PUM1: variants seen among roughly 807,000 people sequenced by gnomAD.
PUM1 encodes the protein pumilio RNA binding family member 1.
Under a neutral mutation model 131.8 loss-of-function variants are expected in PUM1, and 13 were observed. The observed-to-expected ratio is 0.10, with a 90% CI of 0.06 to 0.16. The LOEUF is 0.16. Among genes scored for constraint, PUM1 ranks in the 10% least tolerant of loss-of-function variants. PUM1 has a pLI of 1.00. For missense variants in PUM1, 961 were observed against 1,512.4 expected, an observed-to-expected ratio of 0.64 and a Z score of 6.05; for synonymous variants, 509 against 556.5, an observed-to-expected ratio of 0.91 and a Z score of 1.20.
At chr1:31,021,363 G>T (rs1643020405) in intron 3 of PUM1, among the ~76,000 whole-genome samples, 1 of 152,162 alleles carries the variant, frequency 6.6e-6, no homozygotes, top group Non-Finnish European at 1.5e-5. Flanking sequence ...TTACTAAATT[G>T]AACTGAGCTC....
At position 30,987,786 on chromosome 1, in the gene PUM1, A is replaced by G. The variant is rs79794693; in HGVS notation, c.1158+4604T>C. ...GTGGGTAATACTGCATCTTTATCTC[A>G]TGCACATTTACCTGAAATTTAGCAT... On this transcript the variant is annotated intron_variant, in intron 7 of 21. Coordinates refer to ENST00000426105, the MANE Select transcript of PUM1 (RefSeq NM_001020658.2). Among the ~76,000 whole-genome samples the G allele has an allele frequency of 5.8e-4, 89 of 152,234 alleles. 2 individuals are homozygous for G. The East Asian group carries it at 0.014, about 24-fold the overall frequency.
intron 2 of PUM1, among the ~76,000 whole-genome samples, chr1:31,057,960 A>T (rs1644283949): frequency 1.3e-5 from 2 of 152,198 alleles, no homozygotes; most frequent in Admixed American, 1.3e-4. Context: ...TGATCAAAAC[A>T]GTCTAATCTT....
intron 2 of PUM1, among the ~76,000 whole-genome samples, chr1:31,056,068 T>C (rs1040582140): frequency 6.6e-6 from 1 of 152,162 alleles, no homozygotes; most frequent in Non-Finnish European, 1.5e-5. Context: ...CTACCTTGAT[T>C]TCCTGCTACA....
intron 3 of PUM1, among the ~76,000 whole-genome samples, chr1:31,014,992 T>C (rs1221579825): frequency 2.0e-5 from 3 of 152,072 alleles, no homozygotes; most frequent in African/African-American, 4.8e-5. Flanking sequence ...AGCAAACAAG[T>C]TGTAGTACAA....
chr1:31,047,174 T>TA (rs1481124172), intron 2 of PUM1, among the ~76,000 whole-genome samples: 1 of 151,944 alleles, frequency 6.6e-6, no homozygotes, highest in Admixed American at 6.6e-5. Flanking sequence ...AGGCGACAGA[T>TA]AGAGACCCAA....
chr1:31,062,253 C>T (rs1333229642), intron 1 of PUM1, among the ~76,000 whole-genome samples: 5 of 152,174 alleles, frequency 3.3e-5, no homozygotes, highest in Non-Finnish European at 7.3e-5. Flanking sequence ...CTATGAAACA[C>T]TAAAGTTCCT....
intron 9 of PUM1, among the ~76,000 whole-genome samples, chr1:30,978,471 CTA>C (rs1367046598): frequency 6.6e-6 from 1 of 152,202 alleles, no homozygotes; most frequent in Admixed American, 6.5e-5. Flanking sequence ...CCAGATGACC[CTA>C]TGTTAACTAT....
At chr1:30,934,144 T>G (rs1263579666) in intron 21 of PUM1, among the ~76,000 whole-genome samples, 5 of 152,230 alleles carry the variant, frequency 3.3e-5, no homozygotes. Flanking sequence ...TTCCCTGGGC[T>G]GATCATTTCA....
chr1:30,977,355 T>C (rs762070777), intron 9 of PUM1, among the ~76,000 whole-genome samples: 15 of 152,218 alleles, frequency 9.9e-5, no homozygotes, highest in Non-Finnish European at 1.9e-4. Context: ...CGTATCTACC[T>C]TGAATGAGTG....
At chr1:31,017,276 T>G (rs1642851890) in intron 3 of PUM1, among the ~76,000 whole-genome samples, 1 of 152,178 alleles carries the variant, frequency 6.6e-6, no homozygotes, top group South Asian at 2.1e-4. Context: ...ATAAGCACAC[T>G]GCCTAATAAT....
intron 16 of PUM1, among the ~76,000 whole-genome samples, chr1:30,950,496 T>C (rs915323412): frequency 2.6e-5 from 4 of 152,232 alleles, no homozygotes; most frequent in Non-Finnish European, 5.9e-5. Context: ...TACCCAACAA[T>C]AGGTAGTTTC....
Position 30,999,606 on chromosome 1 carries a change from C to CAAAAAAAAA in PUM1, c.721-4395_721-4387dup, listed in dbSNP as rs56936440. Among the ~76,000 whole-genome samples, 19 of 53,978 alleles carry CAAAAAAAAA rather than the reference C, an allele frequency of 3.5e-4. 2 individuals are homozygous for CAAAAAAAAA. Among genetic ancestry groups the CAAAAAAAAA allele is most frequent in the African/African-American group, 1.1e-3 (16 of 14,448 alleles). The allele number at this position is 53,978 out of a possible 152,430, so 35.4% of individuals were successfully genotyped here. On this transcript the variant is annotated intron_variant, in intron 5 of 21. Coordinates refer to ENST00000426105, the MANE Select transcript of PUM1 (RefSeq NM_001020658.2). Reference sequence around the variant, plus strand: ...TGGGTGACAGAGCAAGACTCTGTCTCAAAAAAAAAAAAAAAAAAAAAAAAA... The same window carrying CAAAAAAAAA: ...TGGGTGACAGAGCAAGACTCTGTCTCAAAAAAAAAAAAAAAAAAAAAAAAAAAAAAAAAA...
chr1:31,060,984 ACAG>A (rs1014833195), intron 1 of PUM1, among the ~76,000 whole-genome samples: 1 of 152,170 alleles, frequency 6.6e-6, no homozygotes. Context: ...CTGACCAAGA[ACAG>A]CAGCAGAATG....
In PUM1 at chr1:30,933,286, G is replaced by T; in HGVS notation, c.3492C>A (p.Ala1164=). The T allele has an allele frequency of 6.2e-7, 1 of 1,613,504 alleles. No individual in the cohort carries two copies. The highest frequency in any genetic ancestry group is 8.5e-7 in the Non-Finnish European group (1 of 1,179,676). The change falls in exon 22 of 22, where the codon GCC becomes GCA. Residue 1164 remains alanine, a synonymous_variant. Transcript: ENST00000426105. The part of the protein sequence containing the change: ...RKYTYGKHIL[A]KLEKYYMKNG... ...TCTTCATGTAGTACTTCTCCAGCTT[G>T]GCCAGAATGTGCTTGCCATAGGTGT...
chr1:31,003,478 C>T (rs1051832339), intron 5 of PUM1, among the ~76,000 whole-genome samples: 3 of 152,072 alleles, frequency 2.0e-5, no homozygotes, highest in African/African-American at 7.2e-5. Context: ...GTTCACTGGC[C>T]GGGCGCGGTG....
rs919015078 is a variant in PUM1 at position 30,942,532 on chromosome 1, C to A, written c.2995-409G>T. 2.0e-5 allele frequency among the ~76,000 whole-genome samples: 3 copies of A among 151,896 alleles called. No homozygotes were observed. In the South Asian group the frequency reaches 6.2e-4, roughly 32 times the overall value. ...GACCAAATCCTGAATGCTTTCACAC[C>A]GCCAGAACAACCAGAATGCAATGTT... is the stretch of plus-strand genomic sequence containing the variant. On this transcript the variant is annotated intron_variant, in intron 18 of 21. Coordinates refer to ENST00000426105, the MANE Select transcript of PUM1 (RefSeq NM_001020658.2).
At chr1:30,970,299 T>C (rs1288916903) in intron 10 of PUM1, among the ~76,000 whole-genome samples, 1 of 152,196 alleles carries the variant, frequency 6.6e-6, no homozygotes, top group Non-Finnish European at 1.5e-5. Context: ...TAAATATTTG[T>C]TAAGTGAGTA....
chr1:30,986,609 C>G (rs539159876), intron 7 of PUM1, among the ~76,000 whole-genome samples: 1 of 151,666 alleles, frequency 6.6e-6, no homozygotes, highest in African/African-American at 2.4e-5. Context: ...GATGAAGAAT[C>G]TGATTCCAAA....
Position 30,984,479 on chromosome 1 carries a change from T to C in PUM1, c.1159-3074A>G, listed in dbSNP as rs1223639177. Among the ~76,000 whole-genome samples the C allele has an allele frequency of 1.3e-5, 2 of 152,170 alleles. 1 individual carries two copies. The highest frequency in any genetic ancestry group is 1.3e-4 in the Admixed American group (2 of 15,280). ...TAACTGAGAAACAAAATACTGTGAGTTGGGGGAAATGCTCAAAGGTCAGTA... is the reference window on the plus strand; with the variant it reads ...TAACTGAGAAACAAAATACTGTGAGCTGGGGGAAATGCTCAAAGGTCAGTA... On this transcript the variant is annotated intron_variant, in intron 7 of 21. Transcript: ENST00000426105.
Sources: allele counts gnomAD v4.1 joint callset (sites outside exome capture counted in the v4.1 genomes callset), GRCh38; gene constraint gnomAD v4.1.1; transcripts MANE v1.5; gene names NCBI Gene and HGNC (gene_info 2026-07-23, HGNC 2026-07-21).